The following DYNC1I2 variants were observed in gnomAD, a reference collection of about 807,000 sequenced individuals.
The protein encoded by DYNC1I2 is cytoplasmic dynein 1 intermediate chain 2.
Under a neutral mutation model 88.6 loss-of-function variants are expected in DYNC1I2, and 53 were observed. The observed-to-expected ratio is 0.60, with a 90% CI of 0.48 to 0.75. The LOEUF (loss-of-function observed/expected upper bound fraction) is 0.75. Among genes scored for constraint, DYNC1I2 ranks in the 30% least tolerant of loss-of-function variants. The pLI, the probability that DYNC1I2 is intolerant of heterozygous loss-of-function variation, is 0.00. For missense variants in DYNC1I2, 458 were observed against 766.6 expected (o/e 0.60, Z 4.75); for synonymous variants, 198 against 254.6 (o/e 0.78, Z 2.12).
At chr2:171,712,487 A>T (rs1404654551) in intron 5 of DYNC1I2, 1 of 313,626 alleles carries the variant, frequency 3.2e-6, no homozygotes. Flanking sequence ...CTATTATTAT[A>T]CAATATTAGT....
intron 1 of DYNC1I2, 138 bp from the exon 2 acceptor site, chr2:171,690,009 A>G: frequency 5.0e-6 from 2 of 398,014 alleles, no homozygotes; most frequent in East Asian, 8.4e-5. Context: ...GCCCAGCCCC[A>G]TTATTTTAAA....
At chr2:171,704,768 T>C (rs1459043143) in intron 3 of DYNC1I2, among the ~76,000 whole-genome samples, 1 of 152,200 alleles carries the variant, frequency 6.6e-6, no homozygotes, top group Admixed American at 6.5e-5. Context: ...TCTGGGAATA[T>C]AGTGGTATTT....
intron 6 of DYNC1I2, among the ~76,000 whole-genome samples, chr2:171,714,718 T>G (rs1687367123): frequency 1.3e-5 from 2 of 152,198 alleles, no homozygotes; most frequent in South Asian, 4.1e-4. Context: ...GTGTAGAATA[T>G]CTGGACCTTA....
At chr2:171,744,229 A>C in intron 16 of DYNC1I2, 40 bp downstream of exon 16, 1 of 1,555,238 alleles carries the variant, frequency 6.4e-7, no homozygotes, top group African/African-American at 1.4e-5. Flanking sequence ...GAAAAATAGA[A>C]AATTGGATAT....
At chr2:171,706,998 T>C in intron 4 of DYNC1I2, 1 of 509,194 alleles carries the variant, frequency 2.0e-6, no homozygotes, top group South Asian at 2.5e-5. Context: ...CATTTGGTGA[T>C]GGATGAGATG....
chr2:171,690,047 A>G (rs1344158780), intron 1 of DYNC1I2, 100 bp from the exon 2 acceptor site: 1 of 601,174 alleles, frequency 1.7e-6, no homozygotes, highest in Non-Finnish European at 2.7e-6. Flanking sequence ...TTTTTGAGAT[A>G]GCATTGAACT....
chr2:171,743,777 C>G (rs1689602508), intron 15 of DYNC1I2, among the ~76,000 whole-genome samples: 1 of 152,198 alleles, frequency 6.6e-6, no homozygotes, highest in Non-Finnish European at 1.5e-5. Context: ...TTCTCATTGA[C>G]AGATGTTCTT....
intron 15 of DYNC1I2, among the ~76,000 whole-genome samples, chr2:171,741,448 A>G (rs1188085312): frequency 6.6e-6 from 1 of 152,152 alleles, no homozygotes; most frequent in Non-Finnish European, 1.5e-5. Flanking sequence ...TTACTTTTTT[A>G]TACTAGCTAT....
intron 7 of DYNC1I2, among the ~76,000 whole-genome samples, chr2:171,722,262 A>T (rs149752106): frequency 0.018 from 2,748 of 152,296 alleles, 52 homozygotes; most frequent in Admixed American, 0.067. Context: ...ACCAAAATAC[A>T]TCACAATTTT....
chr2:171,693,129 C>A, intron 3 of DYNC1I2: 1 of 430,768 alleles, frequency 2.3e-6, no homozygotes, highest in Non-Finnish European at 4.2e-6. Flanking sequence ...ATTGACTTCT[C>A]TTATTAAATC....
intron 15 of DYNC1I2, among the ~76,000 whole-genome samples, chr2:171,733,989 G>A (rs1355837955): frequency 6.6e-6 from 1 of 151,976 alleles, no homozygotes; most frequent in Non-Finnish European, 1.5e-5. Flanking sequence ...TGTAAGGAAG[G>A]GGTCTAGTTT....
Position 171,745,781 on chromosome 2 carries a change from C to T in DYNC1I2, c.1678-21C>T, listed in dbSNP as rs769914640. ...TCTTGATGAAACTTTTAACACTGTCCTTTATTTTAAATGACTTTAGGTACC... is the reference window on the plus strand; with the variant it reads ...TCTTGATGAAACTTTTAACACTGTCTTTTATTTTAAATGACTTTAGGTACC... On this transcript the variant is annotated intron_variant, in intron 16 of 17. Transcript: ENST00000397119. 34 of 1,609,170 alleles carry T rather than the reference C, an allele frequency of 2.1e-5. 3 individuals are homozygous for T. In the South Asian group the frequency reaches 3.5e-4, roughly 17 times the overall value.
Position 171,729,771 on chromosome 2 carries a change from A to G in DYNC1I2, c.1454A>G (p.His485Arg). The G allele has an allele frequency of 6.2e-7, 1 of 1,613,638 alleles. No individual in the cohort carries two copies. ...GGACCAATCACTGGCATCCATTGTC[A>G]TGCAGCTGTTGGAGCAGTAGACTTC... ...HQGPITGIHC[H>R]AAVGAVDFSH... Residue 485 changes from histidine to arginine, a missense_variant, in exon 15 of 18, where the codon CAT becomes CGT. Physicochemically the swap from His to Arg is conservative, Grantham distance 29 (BLOSUM62 0). Around this residue, in one of 5 missense-constraint regions of DYNC1I2, gnomAD observed 188 missense variants for 300.4 expected, o/e 0.63. Coordinates refer to ENST00000397119, the MANE Select transcript of DYNC1I2 (RefSeq NM_001378.3).
At chr2:171,716,069 A>T (rs1446767291) in intron 7 of DYNC1I2, among the ~76,000 whole-genome samples, 1 of 152,150 alleles carries the variant, frequency 6.6e-6, no homozygotes, top group Non-Finnish European at 1.5e-5. Context: ...ATAAAGTACT[A>T]CGATCTCATT....
At chr2:171,707,087 A>C in intron 4 of DYNC1I2, 200 bp from the exon 5 acceptor site, 1 of 708,864 alleles carries the variant, frequency 1.4e-6, no homozygotes, top group Non-Finnish European at 2.3e-6. Context: ...AATTGCATGA[A>C]TCTTCAGCAT....
chr2:171,699,292 G>A (rs576887837), intron 3 of DYNC1I2, among the ~76,000 whole-genome samples: 1 of 152,230 alleles, frequency 6.6e-6, no homozygotes, highest in East Asian at 1.9e-4. Context: ...GGGCAACAGG[G>A]TGAGACTCCG....
intron 7 of DYNC1I2, among the ~76,000 whole-genome samples, chr2:171,717,537 A>C (rs1687595202): frequency 6.6e-6 from 1 of 152,224 alleles, no homozygotes; most frequent in African/African-American, 2.4e-5. Flanking sequence ...TAACAGAAGA[A>C]ACACACTGAT....
At chr2:171,724,108 A>G (rs897377565) in intron 7 of DYNC1I2, among the ~76,000 whole-genome samples, 17 of 152,210 alleles carry the variant, frequency 1.1e-4, no homozygotes. Flanking sequence ...ACTTGTCAGA[A>G]CACAAAAATC....
At chr2:171,744,836 A>T (rs1003342814) in intron 16 of DYNC1I2, among the ~76,000 whole-genome samples, 1 of 152,134 alleles carries the variant, frequency 6.6e-6, no homozygotes, top group Non-Finnish European at 1.5e-5. Flanking sequence ...TTAGAATTCT[A>T]TTCTATATTG....
Sources: allele counts gnomAD v4.1 joint callset (sites outside exome capture counted in the v4.1 genomes callset), GRCh38; gene constraint gnomAD v4.1.1; regional missense constraint gnomAD v4.1.1; transcripts MANE v1.5; gene names NCBI Gene and HGNC (gene_info 2026-07-23, HGNC 2026-07-21).